The following CCSER1 variants were observed in gnomAD, a reference collection of about 807,000 sequenced individuals.
The protein encoded by CCSER1 is coiled-coil serine rich protein 1, also known as serine-rich coiled-coil domain-containing protein 1.
CCSER1 carries 41 observed loss-of-function variants against 82.0 expected under a neutral mutation model. The observed-to-expected ratio is 0.50, with a 90% CI of 0.39 to 0.65. The LOEUF (loss-of-function observed/expected upper bound fraction) is 0.65, where lower values mean the gene tolerates loss of function less well. Ranked by LOEUF, CCSER1 falls within the 30% of genes least tolerant of loss-of-function variation. The probability of loss-of-function intolerance (pLI) is 0.00; values close to 1 mark genes in which losing one functional copy is unlikely to be tolerated. For missense variants in CCSER1, 1,119 were observed against 1,064.2 expected (o/e 1.05, Z -0.72); for synonymous variants, 414 against 383.9 (o/e 1.08, Z -0.92).
At chr4:90,586,399 A>G (rs957794497) in intron 5 of CCSER1, among the ~76,000 whole-genome samples, 2 of 152,224 alleles carry the variant, frequency 1.3e-5, no homozygotes, top group Non-Finnish European at 2.9e-5. Context: ...ATTTGCTAAA[A>G]TATAACTGTC....
chr4:91,151,103 C>A (rs897213533), intron 10 of CCSER1, among the ~76,000 whole-genome samples: 3 of 152,012 alleles, frequency 2.0e-5, no homozygotes, highest in African/African-American at 7.3e-5. Context: ...TGGTCCTGGA[C>A]TTTTTTTGGT....
At position 90,724,005 on chromosome 4, in the gene CCSER1, A is replaced by T. The variant is rs1328021598; in HGVS notation, c.2010+14A>T. The T allele has an allele frequency of 6.8e-7, 1 of 1,467,344 alleles. No individual in the cohort carries two copies. The highest frequency in any genetic ancestry group is 1.2e-5 in the South Asian group (1 of 80,760). The allele number at this position is 1,467,344 out of a possible 1,614,324, so 90.9% of individuals were successfully genotyped here. On this transcript the variant is annotated intron_variant, in intron 7 of 10. Transcript: ENST00000509176. ...GTGCCTTTCAAGGTAAAAAACAAAC[A>T]AGAAAGCATTATTTATAAAAATATT...
intron 6 of CCSER1, among the ~76,000 whole-genome samples, chr4:90,631,809 A>G (rs759225716): frequency 6.6e-6 from 1 of 152,218 alleles, no homozygotes; most frequent in Non-Finnish European, 1.5e-5. Context: ...AATTCCACAT[A>G]TAAGTACTTT....
intron 10 of CCSER1, among the ~76,000 whole-genome samples, chr4:91,181,027 T>C (rs1424186027): frequency 6.6e-6 from 1 of 152,240 alleles, no homozygotes; most frequent in Non-Finnish European, 1.5e-5. Context: ...TAAGTGGTTT[T>C]CCGCCCTGGG....
chr4:91,250,459 A>G (rs1450633175), intron 10 of CCSER1, among the ~76,000 whole-genome samples: 1 of 152,112 alleles, frequency 6.6e-6, no homozygotes, highest in African/African-American at 2.4e-5. Context: ...GTTTAATTTT[A>G]CAGATATTAT....
intron 6 of CCSER1, among the ~76,000 whole-genome samples, chr4:90,711,721 A>ATTTT (rs112790209): frequency 2.7e-4 from 38 of 141,994 alleles, no homozygotes; most frequent in South Asian, 1.1e-3. Flanking sequence ...GTCCTGCTGG[A>ATTTT]TTTTTTTTTT....
At chr4:91,283,233 T>C (rs1232494641) in intron 10 of CCSER1, among the ~76,000 whole-genome samples, 1 of 152,160 alleles carries the variant, frequency 6.6e-6, no homozygotes, top group Admixed American at 6.6e-5. Flanking sequence ...GATGTGTTCA[T>C]TCTAACTTTT....
In CCSER1 at chr4:91,100,030, G is replaced by A. The variant is rs184754995; in HGVS notation, c.2217+14036G>A. Reference sequence around the variant, plus strand: ...ACATGGCAAAGAAACATGTTTTGGGGTAAAATATTTTGATTTTCTTCCTTG... The same window carrying A: ...ACATGGCAAAGAAACATGTTTTGGGATAAAATATTTTGATTTTCTTCCTTG... On this transcript the variant is annotated intron_variant, in intron 10 of 10. Coordinates refer to ENST00000509176, the MANE Select transcript of CCSER1 (RefSeq NM_001145065.2). Among the ~76,000 whole-genome samples the A allele has an allele frequency of 1.9e-3, 290 of 152,194 alleles. 1 individual carries two copies. Among genetic ancestry groups the A allele is most frequent in the Admixed American group, 0.018 (276 of 15,278 alleles).
intron 10 of CCSER1, among the ~76,000 whole-genome samples, chr4:91,136,543 T>C (rs192407119): frequency 1.3e-5 from 2 of 152,316 alleles, no homozygotes; most frequent in East Asian, 3.9e-4. Context: ...TACTATTTAA[T>C]TTATAAGTAT....
Position 91,591,418 on chromosome 4 carries a change from G to A in CCSER1, c.2218-7154G>A, listed in dbSNP as rs141442473. Among the ~76,000 whole-genome samples the A allele has an allele frequency of 2.6e-3, 388 of 151,940 alleles. 2 individuals carry two copies. Among genetic ancestry groups the A allele is most frequent in the Non-Finnish European group, 4.2e-3 (283 of 67,944 alleles). ...TTTGTAATTAATTAAATTAATATAT[G>A]TATTATAGAGTGTATTCTGTCATTT... On this transcript the variant is annotated intron_variant, in intron 10 of 10. Coordinates refer to ENST00000509176, the MANE Select transcript of CCSER1 (RefSeq NM_001145065.2).
intron 10 of CCSER1, among the ~76,000 whole-genome samples, chr4:91,504,090 C>T (rs1329115949): frequency 6.6e-6 from 1 of 152,094 alleles, no homozygotes; most frequent in Non-Finnish European, 1.5e-5. Flanking sequence ...AGGATCACAA[C>T]TGAAGGACTA....
chr4:90,539,553 C>T (rs1280782561), intron 5 of CCSER1, among the ~76,000 whole-genome samples: 4 of 151,966 alleles, frequency 2.6e-5, no homozygotes, highest in Non-Finnish European at 5.9e-5. Context: ...GATTGTGAGC[C>T]ACTGGAATAC....
chr4:90,462,925 G>A (rs1763130406), intron 4 of CCSER1, among the ~76,000 whole-genome samples: 1 of 152,006 alleles, frequency 6.6e-6, no homozygotes, highest in Non-Finnish European at 1.5e-5. Flanking sequence ...TTCTCCAGTG[G>A]AACAATAGAA....
intron 7 of CCSER1, among the ~76,000 whole-genome samples, chr4:90,790,550 T>G (rs1755096114): frequency 3.0e-5 from 1 of 33,802 alleles, no homozygotes; most frequent in Non-Finnish European, 5.7e-5. Context: ...CTGGATACAT[T>G]TTTTTTCCCC....
At chr4:91,059,179 T>C (rs867924595) in intron 9 of CCSER1, among the ~76,000 whole-genome samples, 3 of 151,888 alleles carry the variant, frequency 2.0e-5, no homozygotes, top group Non-Finnish European at 4.4e-5. Flanking sequence ...CATTCTAATT[T>C]GGTTTATATT....
At chr4:91,190,116 A>G (rs1160192737) in intron 10 of CCSER1, among the ~76,000 whole-genome samples, 1 of 152,140 alleles carries the variant, frequency 6.6e-6, no homozygotes. Context: ...CCTTATCCTA[A>G]TCCAAATCCT....
At chr4:90,462,937 A>T (rs1763133403) in intron 4 of CCSER1, among the ~76,000 whole-genome samples, 1 of 152,180 alleles carries the variant, frequency 6.6e-6, no homozygotes, top group Non-Finnish European at 1.5e-5. Flanking sequence ...ACAATAGAAC[A>T]ATAAGTCAAT....
chr4:90,653,318 C>T (rs539455886), intron 6 of CCSER1, among the ~76,000 whole-genome samples: 5 of 151,948 alleles, frequency 3.3e-5, no homozygotes, highest in East Asian at 3.9e-4. Context: ...AGAAACACTG[C>T]GCAGTGGTAT....
intron 10 of CCSER1, among the ~76,000 whole-genome samples, chr4:91,449,362 T>G (rs1319222565): frequency 1.3e-5 from 2 of 152,002 alleles, no homozygotes; most frequent in Non-Finnish European, 2.9e-5. Flanking sequence ...GACACCTAAT[T>G]TTGAAGTTAA....
Sources: gnomAD v4.1 joint callset for allele counts (sites outside exome capture counted in the v4.1 genomes callset) on GRCh38, gnomAD v4.1.1 for gene constraint, MANE v1.5 for transcripts, NCBI Gene and HGNC (gene_info 2026-07-23, HGNC 2026-07-21) for gene names.